GLRB: variants seen among roughly 807,000 people sequenced by gnomAD.
GLRB encodes the protein glycine receptor beta, also known as glycine receptor subunit beta.
In GLRB, 33 loss-of-function variants were observed where a neutral mutation model predicts 54.2. The observed-to-expected ratio is 0.61, with a 90% CI of 0.46 to 0.81. The LOEUF is 0.81. Ranked by LOEUF, GLRB falls within the 40% of genes least tolerant of loss-of-function variation. GLRB has a pLI of 0.00. For synonymous variants in GLRB, 209 were observed against 208.2 expected, an observed-to-expected ratio of 1.00 and a Z score of -0.03; for missense variants, 572 against 584.6, an observed-to-expected ratio of 0.98 and a Z score of 0.22.
intron 2 of GLRB, among the ~76,000 whole-genome samples, chr4:157,110,854 G>A (rs568286826): frequency 1.3e-5 from 2 of 151,886 alleles, no homozygotes; most frequent in Non-Finnish European, 1.5e-5. Flanking sequence ...TTTTAAAGTG[G>A]CTCCCAGGTG....
intron 4 of GLRB, among the ~76,000 whole-genome samples, chr4:157,131,478 A>G (rs780559588): frequency 2.6e-5 from 4 of 151,678 alleles, no homozygotes; most frequent in Non-Finnish European, 5.9e-5. Context: ...CCTAGTTTAG[A>G]ACATTCTATG....
intron 9 of GLRB, among the ~76,000 whole-genome samples, chr4:157,158,598 T>C (rs1160184781): frequency 6.6e-6 from 1 of 152,078 alleles, no homozygotes; most frequent in Non-Finnish European, 1.5e-5. Flanking sequence ...ATTCATTTCC[T>C]TATTTCTTGT....
At chr4:157,084,270 T>A (rs1164992742) in intron 2 of GLRB, among the ~76,000 whole-genome samples, 1 of 152,222 alleles carries the variant, frequency 6.6e-6, no homozygotes, top group Non-Finnish European at 1.5e-5. Flanking sequence ...TATCTTTTGT[T>A]GAAGACTGTT....
chr4:157,158,888 T>TG (rs201950135), intron 9 of GLRB, among the ~76,000 whole-genome samples: 26,032 of 152,162 alleles, frequency 0.17, 4,384 homozygotes, highest in African/African-American at 0.44. Flanking sequence ...GTTAGCTTGA[T>TG]GGGATGGCAT....
intron 2 of GLRB, among the ~76,000 whole-genome samples, chr4:157,080,176 T>C (rs1408336932): frequency 6.6e-6 from 1 of 152,170 alleles, no homozygotes; most frequent in Non-Finnish European, 1.5e-5. Flanking sequence ...CAAAGTTAAA[T>C]TTAGTAGATA....
chr4:157,166,879 T>C (rs1737729944), intron 9 of GLRB, among the ~76,000 whole-genome samples: 1 of 152,050 alleles, frequency 6.6e-6, no homozygotes, highest in Non-Finnish European at 1.5e-5. Context: ...CAAATCCTAA[T>C]ATTATTTAAA....
At chr4:157,116,875 T>A (rs1485646002) in intron 2 of GLRB, among the ~76,000 whole-genome samples, 2 of 151,708 alleles carry the variant, frequency 1.3e-5, no homozygotes, top group Non-Finnish European at 3.0e-5. Flanking sequence ...TACCTGCAGC[T>A]GAGACATGAA....
At position 157,170,431 on chromosome 4, in the gene GLRB, G is replaced by A. The variant is rs754290626; in HGVS notation, c.1198-1G>A. ...ACATTGTCTTCAATATTTATTCTTA[G>A]GTTGGTGAGACCAGATGCAAAAAAG... On this transcript the variant is annotated splice_acceptor_variant, in intron 9 of 9. Transcript: ENST00000264428. LOFTEE classifies it high-confidence loss of function. The A allele has an allele frequency of 3.2e-6, 5 of 1,553,770 alleles. No individual in the cohort carries two copies. Among genetic ancestry groups the A allele is most frequent in the Non-Finnish European group, 4.4e-6 (5 of 1,125,488 alleles).
At chr4:157,166,127 A>G (rs1737698129) in intron 9 of GLRB, among the ~76,000 whole-genome samples, 1 of 138,992 alleles carries the variant, frequency 7.2e-6, no homozygotes, top group African/African-American at 3.3e-5. Context: ...AGTTATTAAT[A>G]GCATCGTTTT....
chr4:157,120,505 CTGT>C (rs768130528), intron 2 of GLRB, 48 bp from the exon 3 acceptor site: 1 of 927,556 alleles, frequency 1.1e-6, no homozygotes, highest in African/African-American at 1.6e-5. Context: ...TTACCCATTT[CTGT>C]TGTTTGCTAT....
intron 2 of GLRB, among the ~76,000 whole-genome samples, chr4:157,090,209 A>G (rs928404613): frequency 3.9e-5 from 6 of 152,242 alleles, no homozygotes; most frequent in Admixed American, 3.9e-4. Context: ...TGTGGCTTAT[A>G]CTATTGAAAT....
At chr4:157,131,401 A>G (rs72980534) in intron 4 of GLRB, among the ~76,000 whole-genome samples, 18,142 of 151,770 alleles carry the variant, frequency 0.12, 2,634 homozygotes, top group African/African-American at 0.35. Context: ...CACCAAATTG[A>G]TACATTTGTT....
chr4:157,127,294 A>G (rs140025402), intron 4 of GLRB, among the ~76,000 whole-genome samples: 2,637 of 151,832 alleles, frequency 0.017, 39 homozygotes, highest in Non-Finnish European at 0.025. Flanking sequence ...TATTTGTCCC[A>G]TTTTTTATTT....
intron 4 of GLRB, among the ~76,000 whole-genome samples, chr4:157,135,608 C>A (rs1436302628): frequency 2.0e-5 from 3 of 152,096 alleles, no homozygotes; most frequent in African/African-American, 7.2e-5. Context: ...GACTGTGAGG[C>A]CTCCCATGCC....
At position 157,122,326 on chromosome 4, in the gene GLRB, A is replaced by G. The variant is rs1383387604; in HGVS notation, c.230-4A>G. 3.4e-6 allele frequency: 4 copies of G among 1,192,916 alleles called. No homozygotes were observed. Among genetic ancestry groups the G allele is most frequent in the South Asian group, 1.3e-5 (1 of 74,792 alleles). The allele number at this position is 1,192,916 out of a possible 1,614,324, so 73.9% of individuals were successfully genotyped here. ...ATAAATATATTCTTAATTTTTATTC[A>G]TAGGCATTCCTGTTGATGTAGTAGT... On this transcript the variant is annotated splice_polypyrimidine_tract_variant and splice_region_variant and intron_variant, in intron 3 of 9. Transcript: ENST00000264428.
chr4:157,096,293 C>A (rs547670064), intron 2 of GLRB, among the ~76,000 whole-genome samples: 2 of 152,070 alleles, frequency 1.3e-5, no homozygotes, highest in Admixed American at 1.3e-4. Flanking sequence ...TAAGGAAGTG[C>A]TAATTTTAGT....
intron 9 of GLRB, among the ~76,000 whole-genome samples, chr4:157,166,957 C>T (rs1035530571): frequency 2.0e-5 from 3 of 151,400 alleles, no homozygotes; most frequent in African/African-American, 7.3e-5. Context: ...TTATTTGTGG[C>T]CTAGGTTATA....
intron 2 of GLRB, among the ~76,000 whole-genome samples, chr4:157,082,135 A>G (rs1192416956): frequency 6.6e-6 from 1 of 152,094 alleles, no homozygotes; most frequent in Non-Finnish European, 1.5e-5. Context: ...ATGTCTGTGT[A>G]TACAGCCCGT....
At chr4:157,093,024 A>T (rs2126456884) in intron 2 of GLRB, among the ~76,000 whole-genome samples, 1 of 152,174 alleles carries the variant, frequency 6.6e-6, no homozygotes, top group South Asian at 2.1e-4. Flanking sequence ...TTGCCACTAT[A>T]TTTATGTTTA....
Sources: gnomAD v4.1 joint callset for allele counts (sites outside exome capture counted in the v4.1 genomes callset) on GRCh38, gnomAD v4.1.1 for gene constraint, MANE v1.5 for transcripts, NCBI Gene and HGNC (gene_info 2026-07-23, HGNC 2026-07-21) for gene names.